Variants in BFSP2 observed in about 807,000 individuals in gnomAD.
The protein encoded by BFSP2 is phakinin.
In BFSP2, 38 loss-of-function variants were observed where a neutral mutation model predicts 44.9. That is an observed-to-expected ratio of 0.85 (90% CI 0.65 to 1.11). The LOEUF (loss-of-function observed/expected upper bound fraction) is 1.11. BFSP2 is among the 50% of genes least tolerant of loss of function. The pLI is 0.00. For missense variants in BFSP2, 525 were observed against 533.0 expected, an observed-to-expected ratio of 0.99 and a Z score of 0.15; for synonymous variants, 197 against 209.9, an observed-to-expected ratio of 0.94 and a Z score of 0.53.
chr3:133,404,949 C>T (rs766371632), intron 1 of BFSP2: 1 of 152,266 alleles, frequency 6.6e-6, no homozygotes, highest in Non-Finnish European at 1.5e-5. Flanking sequence ...GGCCATTTCC[C>T]TCTCCAGCCT....
At chr3:133,436,767 C>G (rs533843311) in intron 1 of BFSP2, among the ~76,000 whole-genome samples, 17 of 152,318 alleles carry the variant, frequency 1.1e-4, no homozygotes, top group African/African-American at 3.8e-4. Flanking sequence ...TCCCCCACCC[C>G]ACTACAGGCC....
At chr3:133,407,050 G>A (rs1330727263) in intron 1 of BFSP2, among the ~76,000 whole-genome samples, 1 of 151,978 alleles carries the variant, frequency 6.6e-6, no homozygotes, top group Non-Finnish European at 1.5e-5. Context: ...CTCCAGCCTG[G>A]GTGACAGAGC....
At chr3:133,470,722 G>C (rs1235323763) in intron 5 of BFSP2, among the ~76,000 whole-genome samples, 1 of 152,198 alleles carries the variant, frequency 6.6e-6, no homozygotes, top group Non-Finnish European at 1.5e-5. Flanking sequence ...GCCCTGACTT[G>C]TGTGCTGGGA....
At chr3:133,412,988 C>T (rs1430441985) in intron 1 of BFSP2, among the ~76,000 whole-genome samples, 3 of 152,220 alleles carry the variant, frequency 2.0e-5, no homozygotes, top group Non-Finnish European at 4.4e-5. Flanking sequence ...TGAGTAACCA[C>T]GTCTGTGCTC....
At chr3:133,408,536 T>C (rs1204014386) in intron 1 of BFSP2, among the ~76,000 whole-genome samples, 1 of 152,248 alleles carries the variant, frequency 6.6e-6, no homozygotes, top group African/African-American at 2.4e-5. Flanking sequence ...AATGACACAC[T>C]GGCAAAAATA....
chr3:133,422,584 G>GA (rs1164511516), intron 1 of BFSP2, among the ~76,000 whole-genome samples: 2 of 152,146 alleles, frequency 1.3e-5, no homozygotes, highest in African/African-American at 2.4e-5. Context: ...TCTGAGCAGT[G>GA]GATGAAGCCT....
intron 1 of BFSP2, among the ~76,000 whole-genome samples, chr3:133,405,170 G>T (rs910132663): frequency 6.6e-6 from 1 of 152,196 alleles, no homozygotes; most frequent in Non-Finnish European, 1.5e-5. Flanking sequence ...CTGAAGCCAG[G>T]GGGAGAATGA....
intron 4 of BFSP2, among the ~76,000 whole-genome samples, chr3:133,453,219 G>T (rs1418165620): frequency 6.6e-6 from 1 of 152,184 alleles, no homozygotes; most frequent in Admixed American, 6.5e-5. Context: ...TGCCCTCAGG[G>T]GCTGACATTT....
chr3:133,458,768 G>GT (rs1190504389), intron 4 of BFSP2, among the ~76,000 whole-genome samples: 2 of 152,082 alleles, frequency 1.3e-5, no homozygotes, highest in African/African-American at 4.8e-5. Flanking sequence ...TTCTTATGTT[G>GT]TGTGTTTAAA....
At chr3:133,466,578 G>A (rs1464752679) in intron 4 of BFSP2, among the ~76,000 whole-genome samples, 1 of 145,828 alleles carries the variant, frequency 6.9e-6, no homozygotes, top group African/African-American at 2.5e-5. Flanking sequence ...AGCTACTCGA[G>A]GCAGGAGAAT....
intron 2 of BFSP2, 37 bp downstream of exon 2, chr3:133,447,436 T>G: frequency 6.3e-7 from 1 of 1,591,576 alleles, no homozygotes; most frequent in South Asian, 1.1e-5. Context: ...TCCCTCCACA[T>G]CCCTAGACTC....
At position 133,422,455 on chromosome 3, in the gene BFSP2, T is replaced by C. The variant is rs1230163895; in HGVS notation, c.489+21883T>C. Among the ~76,000 whole-genome samples the C allele has an allele frequency of 2.0e-5, 3 of 152,174 alleles. No homozygotes were observed. In the East Asian group the frequency reaches 5.8e-4, roughly 29 times the overall value. On this transcript the variant is annotated intron_variant, in intron 1 of 6. Transcript: ENST00000302334. ...ACTCCTACCTCTCTCTTCACTTCTGTGTACCCTGAGATGAAGCCCTCTCCC... is the reference window on the plus strand; with the variant it reads ...ACTCCTACCTCTCTCTTCACTTCTGCGTACCCTGAGATGAAGCCCTCTCCC...
At chr3:133,429,167 T>G (rs2073683601) in intron 1 of BFSP2, 1 of 152,108 alleles carries the variant, frequency 6.6e-6, no homozygotes, top group African/African-American at 2.4e-5. Context: ...CCATGAAAGT[T>G]TTACTACATA....
intron 4 of BFSP2, among the ~76,000 whole-genome samples, chr3:133,452,435 T>C (rs1200105813): frequency 6.6e-6 from 1 of 152,204 alleles, no homozygotes; most frequent in East Asian, 1.9e-4. Context: ...TAGAGCCTAG[T>C]TATTCAAAAA....
At chr3:133,421,837 G>T (rs527572250) in intron 1 of BFSP2, among the ~76,000 whole-genome samples, 1 of 152,262 alleles carries the variant, frequency 6.6e-6, no homozygotes, top group South Asian at 2.1e-4. Flanking sequence ...GGCTGGGCGT[G>T]GTGGCTCACG....
intron 5 of BFSP2, among the ~76,000 whole-genome samples, chr3:133,470,739 A>G (rs1214211433): frequency 6.6e-6 from 1 of 152,224 alleles, no homozygotes; most frequent in Non-Finnish European, 1.5e-5. Flanking sequence ...GGGACTACAG[A>G]GACTTGGTTC....
chr3:133,421,648 G>C (rs192848040), intron 1 of BFSP2, among the ~76,000 whole-genome samples: 7 of 152,290 alleles, frequency 4.6e-5, no homozygotes, highest in Non-Finnish European at 7.4e-5. Flanking sequence ...CTTTTGGATG[G>C]TACACAATTG....
intron 1 of BFSP2, among the ~76,000 whole-genome samples, chr3:133,409,247 TGTG>T (rs2073428896): frequency 6.6e-6 from 1 of 151,840 alleles, no homozygotes; most frequent in Non-Finnish European, 1.5e-5. Flanking sequence ...TGTGTGTGTG[TGTG>T]TGTGTGTACT....
At chr3:133,403,904 T>G (rs2073382555) in intron 1 of BFSP2, among the ~76,000 whole-genome samples, 1 of 152,126 alleles carries the variant, frequency 6.6e-6, no homozygotes, top group South Asian at 2.1e-4. Flanking sequence ...GCTGTCACTG[T>G]GCAGAGAGTC....
Sources: allele counts gnomAD v4.1 joint callset (sites outside exome capture counted in the v4.1 genomes callset), GRCh38; gene constraint gnomAD v4.1.1; transcripts MANE v1.5; gene names NCBI Gene and HGNC (gene_info 2026-07-23, HGNC 2026-07-21).